The following NDUFA10 variants were observed in gnomAD, a reference collection of about 807,000 sequenced individuals.
NDUFA10 encodes NADH dehydrogenase [ubiquinone] 1 alpha subcomplex subunit 10, mitochondrial.
A neutral mutation model predicts 47.8 loss-of-function variants in NDUFA10; 40 were observed. That is an observed-to-expected ratio of 0.84 (90% CI 0.65 to 1.09). NDUFA10 has a LOEUF of 1.09. Ranked by LOEUF, NDUFA10 falls within the 50% of genes least tolerant of loss-of-function variation. NDUFA10 has a pLI of 0.00. For missense variants in NDUFA10, 413 were observed against 451.1 expected (o/e 0.92, Z 0.76); for synonymous variants, 183 against 172.2 (o/e 1.06, Z -0.49).
intron 8 of NDUFA10, among the ~76,000 whole-genome samples, chr2:239,990,693 T>C: frequency 6.6e-6 from 1 of 152,200 alleles, no homozygotes. Context: ...TAGGATGGTC[T>C]GTTGTACCAC....
chr2:240,000,053 T>C (rs1179292542), intron 8 of NDUFA10, among the ~76,000 whole-genome samples: 1 of 152,250 alleles, frequency 6.6e-6, no homozygotes, highest in African/African-American at 2.4e-5. Context: ...CTGCCAGTCG[T>C]GGAAGAGTCC....
At chr2:239,899,036 A>T (rs151237464) in intron 4 of NDUFA10, among the ~76,000 whole-genome samples, 540 of 50,962 alleles carry the variant, frequency 0.011, 14 homozygotes, top group Middle Eastern at 0.044. Flanking sequence ...AGGGGTGTAA[A>T]GGAGGGGTGT....
At chr2:239,905,206 C>T (rs1212994512) in intron 4 of NDUFA10, among the ~76,000 whole-genome samples, 1 of 152,284 alleles carries the variant, frequency 6.6e-6, no homozygotes, top group East Asian at 1.9e-4. Context: ...CTGTGTACCC[C>T]ATGCAGTGTG....
At chr2:239,939,820 C>A (rs1364014331) in intron 4 of NDUFA10, among the ~76,000 whole-genome samples, 2 of 152,208 alleles carry the variant, frequency 1.3e-5, no homozygotes, top group African/African-American at 4.8e-5. Flanking sequence ...GGTCAGAACG[C>A]TGATAATCCC....
At position 239,962,927 on chromosome 2, in the gene NDUFA10, A is replaced by G. The variant is rs142004755; in HGVS notation, c.1000-1741T>C. 6.0e-3 allele frequency among the ~76,000 whole-genome samples: 909 copies of G among 152,300 alleles called. 5 individuals are homozygous for G. The highest frequency in any genetic ancestry group is 0.021 in the African/African-American group (866 of 41,552). On this transcript the variant is annotated intron_variant, in intron 9 of 9. Coordinates refer to ENST00000252711, the MANE Select transcript of NDUFA10 (RefSeq NM_004544.4). The stretch of plus-strand genomic sequence containing the variant: ...CCTCCAGGAGGGCACCAAGCCATTC[A>G]TGAAGGATCTACTCCCATGACCTAA...
chr2:239,902,997 G>C (rs1209955598), intron 4 of NDUFA10, among the ~76,000 whole-genome samples: 3 of 152,200 alleles, frequency 2.0e-5, no homozygotes, highest in Non-Finnish European at 2.9e-5. Flanking sequence ...CACCCTTTCA[G>C]GTCAGACACG....
At chr2:239,980,995 T>C (rs886712640) in intron 9 of NDUFA10, among the ~76,000 whole-genome samples, 2 of 152,174 alleles carry the variant, frequency 1.3e-5, no homozygotes, top group African/African-American at 4.8e-5. Flanking sequence ...AAATTTGCAT[T>C]ACCTCCAGGG....
chr2:239,895,282 G>A, exon 5 of NDUFA10: 1 of 469,462 alleles, frequency 2.1e-6, no homozygotes. Context: ...AACTGAGTAG[G>A]CTGACCCATC....
chr2:239,949,752 G>A (rs927390522), intron 4 of NDUFA10, among the ~76,000 whole-genome samples: 3 of 152,174 alleles, frequency 2.0e-5, no homozygotes, highest in African/African-American at 7.2e-5. Flanking sequence ...AAAGCACTCG[G>A]ATTACAGGCG....
intron 9 of NDUFA10, among the ~76,000 whole-genome samples, chr2:239,974,465 C>G (rs1235418345): frequency 1.3e-5 from 2 of 152,238 alleles, no homozygotes; most frequent in Admixed American, 6.5e-5. Context: ...CGTCTGTGTA[C>G]CCATGTCACC....
downstream of NDUFA10, among the ~76,000 whole-genome samples, chr2:239,954,249 G>A (rs546330100): frequency 4.0e-5 from 6 of 150,338 alleles, no homozygotes; most frequent in Non-Finnish European, 7.4e-5. Flanking sequence ...TCCCCCTGAC[G>A]GTCAGGCTGT....
chr2:239,904,963 C>T (rs149407731), intron 4 of NDUFA10, among the ~76,000 whole-genome samples: 69 of 152,274 alleles, frequency 4.5e-4, no homozygotes, highest in African/African-American at 1.3e-3. Flanking sequence ...TCTGCTCTTC[C>T]GCCTCTTATA....
intron 4 of NDUFA10, among the ~76,000 whole-genome samples, chr2:239,952,297 G>A (rs943795698): frequency 2.0e-5 from 3 of 151,592 alleles, no homozygotes; most frequent in African/African-American, 7.3e-5. Flanking sequence ...AAGGCAGAGT[G>A]GGGAGGGGGG....
rs904681126 is a variant in NDUFA10, at chr2:239,959,388, T to C, written c.*1730A>G. 26 of 985,364 alleles carry C rather than the reference T, an allele frequency of 2.6e-5. No individual in the cohort carries two copies. The African/African-American group carries it at 4.2e-4, about 16-fold the overall frequency. 61.0% of individuals were successfully genotyped at this position (985,364 alleles called of 1,614,324 possible). On this transcript the variant is annotated 3_prime_UTR_variant, in exon 10 of 10. Coordinates refer to ENST00000252711, the MANE Select transcript of NDUFA10 (RefSeq NM_004544.4). The stretch of plus-strand genomic sequence containing the variant: ...GCTAGCTCTTTGCAGCCAAAGACAT[T>C]AGGAACAGCTAAGATAATTAAAGAT...
At chr2:239,986,230 A>G (rs1461464194) in intron 9 of NDUFA10, among the ~76,000 whole-genome samples, 3 of 152,256 alleles carry the variant, frequency 2.0e-5, no homozygotes, top group Non-Finnish European at 2.9e-5. Flanking sequence ...TCAATACCCA[A>G]TGAAAATAAC....
intron 7 of NDUFA10, among the ~76,000 whole-genome samples, chr2:240,006,841 G>A (rs551393452): frequency 2.0e-5 from 3 of 152,132 alleles, no homozygotes; most frequent in Admixed American, 2.0e-4. Flanking sequence ...TACTACAATC[G>A]TATAGTTTGT....
At chr2:239,981,573 A>T (rs577969331) in intron 9 of NDUFA10, among the ~76,000 whole-genome samples, 1 of 152,330 alleles carries the variant, frequency 6.6e-6, no homozygotes, top group Middle Eastern at 3.4e-3. Context: ...AAAATCCTGG[A>T]AGAAAAACGA....
At chr2:240,020,788 C>T (rs999008634) in intron 3 of NDUFA10, among the ~76,000 whole-genome samples, 3 of 152,106 alleles carry the variant, frequency 2.0e-5, no homozygotes, top group African/African-American at 4.8e-5. Context: ...CTGGGCCCTC[C>T]GGGACAACCC....
At chr2:239,900,164 C>T (rs989713889) in intron 4 of NDUFA10, among the ~76,000 whole-genome samples, 1 of 152,020 alleles carries the variant, frequency 6.6e-6, no homozygotes, top group Non-Finnish European at 1.5e-5. Flanking sequence ...CAGGGGGTCT[C>T]GGGCCTTCAG....
Sources: allele counts gnomAD v4.1 joint callset (sites outside exome capture counted in the v4.1 genomes callset), GRCh38; gene constraint gnomAD v4.1.1; transcripts MANE v1.5; gene names NCBI Gene and HGNC (gene_info 2026-07-23, HGNC 2026-07-21).